ACER3: variants seen among roughly 807,000 people sequenced by gnomAD.
ACER3 encodes alkaline ceramidase 3.
In ACER3, 16 loss-of-function variants were observed where a neutral mutation model predicts 48.9. That is an observed-to-expected ratio of 0.33 (90% CI 0.22 to 0.50). The LOEUF (loss-of-function observed/expected upper bound fraction) is 0.50. Among genes scored for constraint, ACER3 ranks in the 20% least tolerant of loss-of-function variants. The pLI is 0.98. For missense variants in ACER3, 227 were observed against 326.0 expected (o/e 0.70, Z 2.34); for synonymous variants, 109 against 107.8 (o/e 1.01, Z -0.07).
chr11:76,984,300 C>A (rs917031308), intron 4 of ACER3, among the ~76,000 whole-genome samples: 8 of 152,042 alleles, frequency 5.3e-5, no homozygotes, highest in Non-Finnish European at 8.8e-5. Flanking sequence ...CTCCTAAAGA[C>A]CTTTGGTTTC....
At chr11:76,883,438 CT>C (rs60656670) in intron 1 of ACER3, among the ~76,000 whole-genome samples, 88 of 98,954 alleles carry the variant, frequency 8.9e-4, no homozygotes, top group African/African-American at 2.4e-3. Flanking sequence ...GATTTTCTTG[CT>C]TTTTTTTTTT....
rs374258773 is a variant in ACER3 at position 76,967,188 on chromosome 11, C to A, written c.267+8157C>A. Reference sequence around the variant, plus strand: ...GAGAATACTATAAACACCTCTATGCCAATAAACTAGAAAATCTAGAAGAAA... The same window carrying A: ...GAGAATACTATAAACACCTCTATGCAAATAAACTAGAAAATCTAGAAGAAA... On this transcript the variant is annotated intron_variant, in intron 3 of 10. Coordinates refer to ENST00000532485, the MANE Select transcript of ACER3 (RefSeq NM_018367.7). Among the ~76,000 whole-genome samples, 5 of 151,938 alleles carry A rather than the reference C, an allele frequency of 3.3e-5. No individual in the cohort carries two copies. The East Asian group carries it at 9.7e-4, about 29-fold the overall frequency.
intron 6 of ACER3, among the ~76,000 whole-genome samples, chr11:76,993,820 G>T (rs1396107488): frequency 6.6e-6 from 1 of 152,204 alleles, no homozygotes; most frequent in Admixed American, 6.5e-5. Context: ...GCGCTCCTAT[G>T]AGAATCTAAT....
chr11:76,923,029 T>C (rs1474835720), intron 1 of ACER3, among the ~76,000 whole-genome samples: 2 of 151,814 alleles, frequency 1.3e-5, no homozygotes, highest in Non-Finnish European at 2.9e-5. Context: ...CAAAGCAATA[T>C]ATAAAAAAAA....
Position 77,005,989 on chromosome 11 carries a change from ATAT to A in ACER3, c.497+7170_497+7172del, listed in dbSNP as rs1318417479. Among the ~76,000 whole-genome samples the A allele has an allele frequency of 1.0e-3, 94 of 93,884 alleles. 1 individual carries two copies. Among genetic ancestry groups the A allele is most frequent in the African/African-American group, 3.2e-3 (74 of 23,210 alleles). The allele number at this position is 93,884 out of a possible 152,430, so 61.6% of individuals were successfully genotyped here. A position where few individuals can be genotyped will look rare whatever the true frequency, so the allele number is the denominator to read the frequency against. On this transcript the variant is annotated intron_variant, in intron 7 of 10. Transcript: ENST00000532485. ...TATATATACATATATATATATATAT[ATAT>A]TTTTTTTTTTTTTTGAGCCAGAGTT... is the stretch of plus-strand genomic sequence containing the variant.
chr11:77,019,461 A>C (rs1591076705), intron 9 of ACER3: 1 of 324,142 alleles, frequency 3.1e-6, no homozygotes, highest in East Asian at 6.3e-5. Context: ...TCCATCTCAA[A>C]AAAAAAGAAT....
intron 4 of ACER3, 23 bp downstream of exon 4, chr11:76,976,364 TG>T (rs1368154747): frequency 6.8e-7 from 1 of 1,468,016 alleles, no homozygotes; most frequent in Non-Finnish European, 9.4e-7. Context: ...AAAATTTCAT[TG>T]TTTGATTTAT....
intron 3 of ACER3, among the ~76,000 whole-genome samples, chr11:76,974,627 G>A (rs1217556838): frequency 1.3e-5 from 2 of 152,164 alleles, no homozygotes; most frequent in Non-Finnish European, 2.9e-5. Flanking sequence ...GAGGGACTAG[G>A]GGAAGAGGAG....
At chr11:76,928,957 T>C (rs1485101226) in intron 2 of ACER3, among the ~76,000 whole-genome samples, 3 of 152,202 alleles carry the variant, frequency 2.0e-5, no homozygotes, top group African/African-American at 4.8e-5. Context: ...CTTTTTTAGT[T>C]CCATATGAAC....
intron 7 of ACER3, among the ~76,000 whole-genome samples, chr11:76,999,193 G>T (rs1948979225): frequency 6.6e-6 from 1 of 151,974 alleles, no homozygotes; most frequent in Non-Finnish European, 1.5e-5. Context: ...CTTTTACATA[G>T]TACCTCCAAG....
chr11:76,964,571 G>T (rs1744853436), intron 3 of ACER3, among the ~76,000 whole-genome samples: 1 of 151,284 alleles, frequency 6.6e-6, no homozygotes, highest in Non-Finnish European at 1.5e-5. Context: ...CCCAGTAGGG[G>T]TGGACTGACA....
intron 1 of ACER3, among the ~76,000 whole-genome samples, chr11:76,867,831 A>T (rs975498175): frequency 3.3e-5 from 5 of 152,142 alleles, no homozygotes; most frequent in African/African-American, 1.2e-4. Context: ...CCTTTTGTCC[A>T]TGAGTGAGAA....
chr11:76,968,143 C>T (rs1317944260), intron 3 of ACER3, among the ~76,000 whole-genome samples: 7 of 151,844 alleles, frequency 4.6e-5, no homozygotes, highest in East Asian at 1.9e-4. Flanking sequence ...TCTTATACAC[C>T]AATAACAGAC....
intron 2 of ACER3, among the ~76,000 whole-genome samples, chr11:76,929,680 G>C (rs80354738): frequency 6.6e-6 from 1 of 152,174 alleles, no homozygotes; most frequent in Non-Finnish European, 1.5e-5. Flanking sequence ...TAGCACGAAG[G>C]GCTGTTGAAT....
intron 6 of ACER3, among the ~76,000 whole-genome samples, chr11:76,991,503 A>G (rs1361531933): frequency 6.6e-6 from 1 of 152,200 alleles, no homozygotes; most frequent in Non-Finnish European, 1.5e-5. Context: ...TAGATGAACT[A>G]AAGTAAATGG....
At chr11:76,865,530 ACGGAATCT>A (rs1945059426) in intron 1 of ACER3, among the ~76,000 whole-genome samples, 1 of 148,300 alleles carries the variant, frequency 6.7e-6, no homozygotes, top group Non-Finnish European at 1.5e-5. Context: ...TTTTTTCCAG[ACGGAATCT>A]CGCTCTGTCA....
At chr11:77,004,727 T>C (rs1474672448) in intron 7 of ACER3, among the ~76,000 whole-genome samples, 1 of 152,220 alleles carries the variant, frequency 6.6e-6, no homozygotes, top group Non-Finnish European at 1.5e-5. Context: ...AATATATCCA[T>C]ATTAGCATAG....
At chr11:76,874,620 C>T (rs920937204) in intron 1 of ACER3, among the ~76,000 whole-genome samples, 1 of 152,124 alleles carries the variant, frequency 6.6e-6, no homozygotes, top group East Asian at 1.9e-4. Flanking sequence ...ACATGAATGG[C>T]CTCATCCAAT....
chr11:76,991,849 C>T (rs1458672712), intron 6 of ACER3, among the ~76,000 whole-genome samples: 1 of 148,430 alleles, frequency 6.7e-6, no homozygotes, highest in African/African-American at 2.5e-5. Flanking sequence ...AAAGAAAAGA[C>T]ATCCTCACTT....
Sources: allele counts gnomAD v4.1 joint callset (sites outside exome capture counted in the v4.1 genomes callset), GRCh38; gene constraint gnomAD v4.1.1; transcripts MANE v1.5; gene names NCBI Gene and HGNC (gene_info 2026-07-23, HGNC 2026-07-21).